ARHGAP28: variants seen among roughly 807,000 people sequenced by gnomAD.
ARHGAP28 encodes the protein rho GTPase-activating protein 28.
Under a neutral mutation model 90.7 loss-of-function variants are expected in ARHGAP28, and 56 were observed. That is an observed-to-expected ratio of 0.62 (90% CI 0.50 to 0.77). ARHGAP28 has a LOEUF of 0.77. Among genes scored for constraint, ARHGAP28 ranks in the 30% least tolerant of loss-of-function variants. The pLI is 0.00. For synonymous variants in ARHGAP28, 308 were observed against 323.3 expected, an observed-to-expected ratio of 0.95 and a Z score of 0.51; for missense variants, 869 against 900.9, an observed-to-expected ratio of 0.96 and a Z score of 0.45.
chr18:6,891,581 T>C (rs189994763), intron 14 of ARHGAP28, among the ~76,000 whole-genome samples: 69 of 151,694 alleles, frequency 4.5e-4, no homozygotes, highest in African/African-American at 1.6e-3. Flanking sequence ...ACTGTGTCCT[T>C]CCTGGAGCTA....
rs1348113716 is a variant in ARHGAP28 at position 6,891,649 on chromosome 18, A to G, written c.1848+1106A>G. On this transcript the variant is annotated intron_variant, in intron 14 of 17. Coordinates refer to ENST00000383472, the MANE Select transcript of ARHGAP28 (RefSeq NM_001366230.1). ...GTCACCCAGGCTGGAGTGCAGTGGC[A>G]TGATCATAGCTCACTGCAACCTCGA... Among the ~76,000 whole-genome samples, 5 of 152,046 alleles carry G rather than the reference A, an allele frequency of 3.3e-5. No homozygotes were observed. In the East Asian group the frequency reaches 7.8e-4, roughly 24 times the overall value.
At chr18:6,803,649 A>G (rs1029009753) in intron 1 of ARHGAP28, among the ~76,000 whole-genome samples, 4 of 152,088 alleles carry the variant, frequency 2.6e-5, no homozygotes, top group South Asian at 2.1e-4. Flanking sequence ...TTTTTGGAGA[A>G]CTTCTTTTTA....
At chr18:6,810,417 G>A (rs2056548080) in intron 1 of ARHGAP28, among the ~76,000 whole-genome samples, 1 of 152,036 alleles carries the variant, frequency 6.6e-6, no homozygotes, top group South Asian at 2.1e-4. Flanking sequence ...CCATTGTCTT[G>A]AGCAGTTTCA....
chr18:6,812,779 A>T (rs537307094), intron 1 of ARHGAP28, among the ~76,000 whole-genome samples: 9 of 152,218 alleles, frequency 5.9e-5, no homozygotes, highest in Admixed American at 1.3e-4. Context: ...CTTTGACAGA[A>T]CTTACAGCTC....
intron 2 of ARHGAP28, among the ~76,000 whole-genome samples, chr18:6,826,014 T>A (rs1200071526): frequency 2.6e-5 from 4 of 152,198 alleles, no homozygotes; most frequent in African/African-American, 4.8e-5. Flanking sequence ...TATTTTAAGT[T>A]CTTTGAGAAA....
intron 16 of ARHGAP28, among the ~76,000 whole-genome samples, chr18:6,906,905 T>C (rs1170285142): frequency 6.6e-6 from 1 of 152,066 alleles, no homozygotes; most frequent in African/African-American, 2.4e-5. Flanking sequence ...ATCTAGAATA[T>C]ATAAATAAAA....
At chr18:6,789,659 A>T (rs1178934778) in intron 1 of ARHGAP28, 6 of 152,170 alleles carry the variant, frequency 3.9e-5, no homozygotes, top group African/African-American at 2.4e-5. Flanking sequence ...TTTTTCCCTG[A>T]ATGTTTTACC....
intron 1 of ARHGAP28, among the ~76,000 whole-genome samples, chr18:6,747,216 A>G (rs951547860): frequency 4.6e-5 from 7 of 151,998 alleles, no homozygotes; most frequent in African/African-American, 1.7e-4. Context: ...CTTGTTTAGT[A>G]CTGTATCCTC....
At chr18:6,771,026 T>G (rs1254147772) in intron 1 of ARHGAP28, among the ~76,000 whole-genome samples, 1 of 152,120 alleles carries the variant, frequency 6.6e-6, no homozygotes, top group Non-Finnish European at 1.5e-5. Context: ...AATCTTTTTT[T>G]GTTTTGTTTT....
At chr18:6,792,807 T>A (rs974209253) in intron 1 of ARHGAP28, among the ~76,000 whole-genome samples, 4 of 152,216 alleles carry the variant, frequency 2.6e-5, no homozygotes, top group African/African-American at 9.6e-5. Context: ...ATCCCTTTTT[T>A]CCTCAGAACT....
In ARHGAP28 at chr18:6,836,398, C is replaced by T. The variant is rs951066916; in HGVS notation, c.326-799C>T. On this transcript the variant is annotated intron_variant, in intron 2 of 17. Transcript: ENST00000383472. ...TCCAAGCATTACCCAAGCAGGTTTC[C>T]CACCAGGAGTCCTAATTGGTGGGTT... Among the ~76,000 whole-genome samples, 6 of 152,092 alleles carry T rather than the reference C, an allele frequency of 3.9e-5. No individual in the cohort carries two copies. The East Asian group carries it at 1.2e-3, about 30-fold the overall frequency.
chr18:6,882,299 A>C lies in ARHGAP28; in HGVS notation c.1453A>C (p.Arg485=). 1 of 1,609,470 alleles carries C rather than the reference A, an allele frequency of 6.2e-7. No homozygotes were observed. Among genetic ancestry groups the C allele is most frequent in the Non-Finnish European group, 8.5e-7 (1 of 1,178,334 alleles). Residue 485 remains arginine, a splice_region_variant and synonymous_variant, in exon 11 of 18, where the codon AGA becomes CGA. Transcript: ENST00000383472. Reference sequence around the variant, plus strand: ...ACCTGCCTTCATCAGTCTAATGGAAAGTAGGTGGAAGACGTTATATGTGAA... The same window carrying C: ...ACCTGCCTTCATCAGTCTAATGGAACGTAGGTGGAAGACGTTATATGTGAA... ...YIPAFISLME[R]GPHVKVQFQA...
At chr18:6,891,014 G>A (rs555988477) in intron 14 of ARHGAP28, among the ~76,000 whole-genome samples, 2 of 152,336 alleles carry the variant, frequency 1.3e-5, no homozygotes, top group Admixed American at 6.5e-5. Context: ...AGTTATTTGT[G>A]TGGAGGCACA....
intron 11 of ARHGAP28, among the ~76,000 whole-genome samples, chr18:6,886,945 C>T (rs1327712780): frequency 1.3e-5 from 2 of 152,112 alleles, no homozygotes; most frequent in East Asian, 3.9e-4. Flanking sequence ...TGGCCACCTG[C>T]CTCAACAATG....
At chr18:6,830,343 T>C (rs942756489) in intron 2 of ARHGAP28, among the ~76,000 whole-genome samples, 5 of 152,158 alleles carry the variant, frequency 3.3e-5, no homozygotes, top group African/African-American at 1.2e-4. Flanking sequence ...TTATTATTAT[T>C]ATACTTTAAG....
chr18:6,801,410 A>G (rs1474036244), intron 1 of ARHGAP28, among the ~76,000 whole-genome samples: 1 of 152,202 alleles, frequency 6.6e-6, no homozygotes, highest in East Asian at 1.9e-4. Context: ...CTATAATTTT[A>G]TAACAAGTCT....
At chr18:6,785,939 A>G (rs1002774027) in intron 1 of ARHGAP28, among the ~76,000 whole-genome samples, 3 of 152,238 alleles carry the variant, frequency 2.0e-5, no homozygotes, top group African/African-American at 7.2e-5. Context: ...CTTTTGTTAC[A>G]TGTATGAGGT....
At chr18:6,883,324 C>T (rs2057194623) in intron 11 of ARHGAP28, among the ~76,000 whole-genome samples, 1 of 152,008 alleles carries the variant, frequency 6.6e-6, no homozygotes, top group East Asian at 1.9e-4. Flanking sequence ...CAGCAACCTC[C>T]ACCCCCGGGA....
At position 6,796,821 on chromosome 18, in the gene ARHGAP28, T is replaced by TACAC. The variant is rs142406008; in HGVS notation, c.123-27937_123-27934dup. Among the ~76,000 whole-genome samples, 977 of 152,096 alleles carry TACAC rather than the reference T, an allele frequency of 6.4e-3. 10 individuals carry two copies. The highest frequency in any genetic ancestry group is 0.021 in the African/African-American group (862 of 41,468). On this transcript the variant is annotated intron_variant, in intron 1 of 17. Transcript: ENST00000383472. ...TGTTTTTCTTTCTCCTTTTTGTGTG[T>TACAC]ACACACATACACACACTTCTGTGGT...
Sources: gnomAD v4.1 joint callset for allele counts (sites outside exome capture counted in the v4.1 genomes callset) on GRCh38, gnomAD v4.1.1 for gene constraint, MANE v1.5 for transcripts, NCBI Gene and HGNC (gene_info 2026-07-23, HGNC 2026-07-21) for gene names.